CES5A: variants seen among roughly 807,000 people sequenced by gnomAD.
The protein encoded by CES5A is carboxylesterase 5.
Under a neutral mutation model 62.9 loss-of-function variants are expected in CES5A, and 67 were observed. That is an observed-to-expected ratio of 1.07 (90% CI 0.88 to 1.31). CES5A has a LOEUF of 1.31. CES5A is among the 50% of genes most tolerant of loss of function. The pLI is 0.00. For synonymous variants in CES5A, 296 were observed against 280.8 expected (o/e 1.05, Z -0.54); for missense variants, 748 against 708.5 (o/e 1.06, Z -0.63).
In CES5A at chr16:55,846,637, C is replaced by G. The variant is rs761384775; in HGVS notation, c.1542G>C (p.Leu514=). The G allele has an allele frequency of 1.9e-6, 3 of 1,614,112 alleles. No homozygotes were observed. The highest frequency in any genetic ancestry group is 2.2e-5 in the South Asian group (2 of 91,078). The change falls in exon 13 of 13, where the codon CTG becomes CTC. Residue 514 remains leucine, a synonymous_variant. Coordinates refer to ENST00000290567, the MANE Select transcript of CES5A (RefSeq NM_001143685.2). The part of the protein sequence containing the change: ...NDLSLWPAYN[L]TEQYLQLDLN... ...AGTCCAGCTGGAGGTACTGCTCAGT[C>G]AGATTATAAGCTGGCCACAGAGACA...
intron 2 of CES5A, among the ~76,000 whole-genome samples, chr16:55,933,714 T>A (rs1364468977): frequency 6.6e-6 from 1 of 152,142 alleles, no homozygotes; most frequent in African/African-American, 2.4e-5. Context: ...TTATTTTACC[T>A]CCACTGCTAC....
chr16:55,937,707 C>T (rs750790458), intron 2 of CES5A, among the ~76,000 whole-genome samples: 1 of 152,144 alleles, frequency 6.6e-6, no homozygotes, highest in Non-Finnish European at 1.5e-5. Context: ...ATGGTGGAAG[C>T]CTTTGGGACA....
At chr16:55,924,553 C>T (rs2034239961) in intron 1 of CES5A, among the ~76,000 whole-genome samples, 1 of 151,722 alleles carries the variant, frequency 6.6e-6, no homozygotes, top group South Asian at 2.1e-4. Context: ...ATATTCTTTA[C>T]AGAAATAGAA....
At chr16:55,934,530 T>C (rs2034347794) in intron 2 of CES5A, among the ~76,000 whole-genome samples, 1 of 152,216 alleles carries the variant, frequency 6.6e-6, no homozygotes, top group South Asian at 2.1e-4. Flanking sequence ...CATAAAGTGC[T>C]TGACCCATAG....
chr16:55,885,268 C>T (rs1224219633), intron 1 of CES5A, among the ~76,000 whole-genome samples: 2 of 152,128 alleles, frequency 1.3e-5, no homozygotes, highest in African/African-American at 2.4e-5. Flanking sequence ...CCTTGTGCCT[C>T]GTCAATCACC....
intron 9 of CES5A, 53 bp downstream of exon 9, chr16:55,856,323 CT>C: frequency 6.5e-7 from 1 of 1,535,028 alleles, no homozygotes; most frequent in Non-Finnish European, 9.0e-7. Flanking sequence ...TGACCTAGGG[CT>C]ATCTGTTAAG....
chr16:55,918,442 G>T (rs932126817), intron 1 of CES5A, among the ~76,000 whole-genome samples: 2 of 152,182 alleles, frequency 1.3e-5, no homozygotes, highest in African/African-American at 2.4e-5. Context: ...GGCCTTTCCT[G>T]GATTTACCTC....
At chr16:55,858,979 C>G (rs776577255) in intron 8 of CES5A, among the ~76,000 whole-genome samples, 12 of 152,210 alleles carry the variant, frequency 7.9e-5, no homozygotes, top group Non-Finnish European at 5.9e-5. Flanking sequence ...AAATCATCTT[C>G]TCAATCTCGT....
At chr16:55,855,779 T>C (rs1201101480) in intron 9 of CES5A, among the ~76,000 whole-genome samples, 1 of 152,198 alleles carries the variant, frequency 6.6e-6, no homozygotes, top group East Asian at 1.9e-4. Flanking sequence ...TTGGAGCTCT[T>C]CCAGGTCGGG....
chr16:55,927,126 A>G (rs1373970546), upstream of CES5A, among the ~76,000 whole-genome samples: 4 of 152,230 alleles, frequency 2.6e-5, no homozygotes, highest in Non-Finnish European at 5.9e-5. Context: ...GAAAAAAACT[A>G]AAGACTTAAA....
In CES5A at chr16:55,846,397, G is replaced by C; in HGVS notation, c.*54C>G. ...TGAGCTCAGAAAGAAGCTAATGATT[G>C]CGGGAGAAATTATGGGAGGAGAAGG... On this transcript the variant is annotated 3_prime_UTR_variant, in exon 13 of 13. Coordinates refer to ENST00000290567, the MANE Select transcript of CES5A (RefSeq NM_001143685.2). The C allele has an allele frequency of 7.3e-7, 1 of 1,368,178 alleles. No homozygotes were observed. The highest frequency in any genetic ancestry group is 1.0e-6 in the Non-Finnish European group (1 of 963,956). The allele number at this position is 1,368,178 out of a possible 1,614,324, so 84.8% of individuals were successfully genotyped here.
intron 6 of CES5A, 39 bp downstream of exon 6, chr16:55,863,307 CTG>C: frequency 9.5e-7 from 1 of 1,054,892 alleles, no homozygotes; most frequent in Admixed American, 1.7e-5. Context: ...TCTCTGCTAA[CTG>C]AGGAGAGGAA....
intron 10 of CES5A, among the ~76,000 whole-genome samples, chr16:55,851,713 CA>C (rs565540604): frequency 2.5e-3 from 385 of 152,272 alleles, no homozygotes; most frequent in South Asian, 0.023. Flanking sequence ...TTCATTGCAG[CA>C]TTATAGCCAA....
intron 2 of CES5A, chr16:55,944,173 C>T (rs754740343): frequency 5.7e-6 from 4 of 698,778 alleles, no homozygotes; most frequent in Non-Finnish European, 1.0e-5. Context: ...ATTGTGAAGA[C>T]TTGGGTCCCA....
intron 11 of CES5A, among the ~76,000 whole-genome samples, chr16:55,848,720 TA>T (rs2142380443): frequency 6.6e-6 from 1 of 152,328 alleles, no homozygotes; most frequent in Non-Finnish European, 1.5e-5. Context: ...TCAAGGAATT[TA>T]ACCTTTTGAT....
At chr16:55,955,793 G>A (rs1469864469) in intron 1 of CES5A, 1 of 1,523,666 alleles carries the variant, frequency 6.6e-7, no homozygotes, top group African/African-American at 1.4e-5. Context: ...TCTCATTCCA[G>A]TGGGTTTGGG....
chr16:55,869,710 G>A lies in CES5A; in HGVS notation c.452C>T (p.Thr151Ile). The change falls in exon 4 of 13, where the codon ACT becomes ATT. Residue 151 changes from threonine to isoleucine, a missense_variant. Physicochemically the swap from Thr to Ile is moderately conservative, Grantham distance 89 (BLOSUM62 -1). Coordinates refer to ENST00000290567, the MANE Select transcript of CES5A (RefSeq NM_001143685.2). ...CCCATCAAAGATGGAGGCTGAGCCA[G>A]TCTTGAAGGCACCTCCTGGGAACCA... ...LVWFPGGAFKTGSASIFDGSA... is the reference protein window; with the variant it reads ...LVWFPGGAFKIGSASIFDGSA... 6.2e-7 allele frequency: 1 copy of A among 1,608,946 alleles called. No individual in the cohort carries two copies. Among genetic ancestry groups the A allele is most frequent in the Non-Finnish European group, 8.5e-7 (1 of 1,177,034 alleles).
intron 9 of CES5A, among the ~76,000 whole-genome samples, chr16:55,854,672 CA>C (rs2033204624): frequency 1.3e-5 from 2 of 149,910 alleles, no homozygotes; most frequent in Non-Finnish European, 3.0e-5. Context: ...GCTGGCACCA[CA>C]AATGCACACC....
intron 2 of CES5A, among the ~76,000 whole-genome samples, chr16:55,931,020 A>G (rs1383528301): frequency 6.6e-6 from 1 of 152,234 alleles, no homozygotes; most frequent in East Asian, 1.9e-4. Context: ...TGGATTACCA[A>G]TTAAGCCCAA....
Sources: allele counts gnomAD v4.1 joint callset (sites outside exome capture counted in the v4.1 genomes callset), GRCh38; gene constraint gnomAD v4.1.1; transcripts MANE v1.5; gene names NCBI Gene and HGNC (gene_info 2026-07-23, HGNC 2026-07-21).